SENP2: variants seen among roughly 807,000 people sequenced by gnomAD.
SENP2 encodes SUMO specific peptidase 2.
In SENP2, 16 loss-of-function variants were observed where a neutral mutation model predicts 86.3. That is an observed-to-expected ratio of 0.19 (90% CI 0.13 to 0.28). The LOEUF is 0.28. Among genes scored for constraint, SENP2 ranks in the 10% least tolerant of loss-of-function variants. SENP2 has a pLI of 1.00. For synonymous variants in SENP2, 222 were observed against 238.7 expected (o/e 0.93, Z 0.64); for missense variants, 552 against 703.0 (o/e 0.79, Z 2.43).
intron 11 of SENP2, among the ~76,000 whole-genome samples, chr3:185,616,572 G>A (rs935323445): frequency 6.6e-6 from 1 of 151,568 alleles, no homozygotes. Flanking sequence ...TCAGGAGATC[G>A]AGACCATCCT....
At position 185,629,032 on chromosome 3, in the gene SENP2, T is replaced by A. The variant is rs1186613699; in HGVS notation, c.1708-750T>A. ...GATTTTAAAGGGAGAAGTTGCTGTT[T>A]GAACAGAATTGGCAATGTACAACGC... On this transcript the variant is annotated intron_variant, in intron 16 of 16. Coordinates refer to ENST00000296257, the MANE Select transcript of SENP2 (RefSeq NM_021627.3). Among the ~76,000 whole-genome samples, 4 of 152,342 alleles carry A rather than the reference T, an allele frequency of 2.6e-5. No individual in the cohort carries two copies. In the East Asian group the frequency reaches 7.7e-4, roughly 29 times the overall value.
chr3:185,612,368 G>T, intron 8 of SENP2: 1 of 402,778 alleles, frequency 2.5e-6, no homozygotes, highest in Non-Finnish European at 4.5e-6. Context: ...CTAAATGACA[G>T]CTTACCAGAT....
intron 1 of SENP2, among the ~76,000 whole-genome samples, chr3:185,589,089 A>G (rs1219503100): frequency 6.6e-6 from 1 of 150,428 alleles, no homozygotes. Flanking sequence ...TTTTTTTTGC[A>G]TGTGTGAATA....
At position 185,611,695 on chromosome 3, in the gene SENP2, G is replaced by A. The variant is rs1722706619; in HGVS notation, c.767G>A (p.Gly256Glu). ...QMDTLKTKGW[G>E]EEQNHGVKTT... ...GACACATTAAAGACCAAAGGCTGGG[G>A]GGAAGAGCAAAATCACGGAGTCAAA... is the stretch of plus-strand genomic sequence containing the variant. The change falls in exon 8 of 17, where the codon GGG becomes GAG. Residue 256 changes from glycine (G) to glutamate (E), a missense_variant. Physicochemically the swap from Gly to Glu is moderately conservative, Grantham distance 98 (BLOSUM62 -2). Transcript: ENST00000296257. 6.2e-7 allele frequency: 1 copy of A among 1,613,678 alleles called. No individual in the cohort carries two copies. Among genetic ancestry groups the A allele is most frequent in the African/African-American group, 1.3e-5 (1 of 75,022 alleles).
At chr3:185,590,198 A>T in intron 2 of SENP2, 29 bp downstream of exon 2, 1 of 1,300,546 alleles carries the variant, frequency 7.7e-7, no homozygotes, top group Non-Finnish European at 1.1e-6. Flanking sequence ...AAAAATTTTT[A>T]GTTTTTAAAT....
At chr3:185,623,497 T>C (rs1201199278) in intron 14 of SENP2, among the ~76,000 whole-genome samples, 1 of 152,162 alleles carries the variant, frequency 6.6e-6, no homozygotes, top group Non-Finnish European at 1.5e-5. Flanking sequence ...CAACCTGATA[T>C]ATATTTCAAC....
chr3:185,620,792 A>G (rs971605689), intron 13 of SENP2, among the ~76,000 whole-genome samples: 11 of 151,744 alleles, frequency 7.2e-5, no homozygotes, highest in Admixed American at 5.9e-4. Flanking sequence ...CATAAGGGTT[A>G]TTTATATTTA....
At chr3:185,608,655 T>C (rs1003709836) in intron 6 of SENP2, among the ~76,000 whole-genome samples, 4 of 152,114 alleles carry the variant, frequency 2.6e-5, no homozygotes, top group Admixed American at 2.0e-4. Context: ...GGAAGGAATG[T>C]AGTGCAAGAA....
At chr3:185,599,395 C>T (rs916121024) in intron 4 of SENP2, among the ~76,000 whole-genome samples, 1 of 152,088 alleles carries the variant, frequency 6.6e-6, no homozygotes, top group Non-Finnish European at 1.5e-5. Flanking sequence ...AGTTCATCAT[C>T]TAGTTGGGGA....
chr3:185,630,156 C>G lies in SENP2; in HGVS notation c.*312C>G, dbSNP rs573156561. ...GAATGTGGGAAATGCAGGATTTATT[C>G]TGTGAATTGTTTGTTTCTGTGTGTT... On this transcript the variant is annotated 3_prime_UTR_variant, in exon 17 of 17. Transcript: ENST00000296257. 3.7e-6 allele frequency: 1 copy of G among 268,020 alleles called. No individual in the cohort carries two copies. The highest frequency in any genetic ancestry group is 4.5e-5 in the Admixed American group (1 of 22,208). 16.6% of individuals were successfully genotyped at this position (268,020 alleles called of 1,614,324 possible). A position where few individuals can be genotyped will look rare whatever the true frequency, so the allele number is the denominator to read the frequency against.
intron 5 of SENP2, among the ~76,000 whole-genome samples, chr3:185,603,879 T>C (rs1304947417): frequency 6.6e-6 from 1 of 152,190 alleles, no homozygotes; most frequent in Admixed American, 6.5e-5. Context: ...CCCAGCACTT[T>C]GGGAGGCTGA....
At chr3:185,606,755 G>T in intron 6 of SENP2, 1 of 515,102 alleles carries the variant, frequency 1.9e-6, no homozygotes, top group East Asian at 3.8e-5. Context: ...ACATTAGCAA[G>T]GCCTATAGCG....
chr3:185,606,303 T>C (rs1722505734), intron 5 of SENP2, 27 bp from the exon 6 acceptor site: 2 of 1,569,698 alleles, frequency 1.3e-6, no homozygotes, highest in African/African-American at 1.4e-5. Context: ...TGGTGATACT[T>C]TTTTTCTTTT....
chr3:185,621,156 CAAAAAAAAAAAAA>C (rs1206042436), intron 13 of SENP2, among the ~76,000 whole-genome samples: 2 of 39,022 alleles, frequency 5.1e-5, no homozygotes, highest in African/African-American at 2.1e-4. Flanking sequence ...GATCTTGTCT[CAAAAAAAAAAAAA>C]AAAAAAAAGA....
intron 7 of SENP2, 86 bp downstream of exon 7, chr3:185,609,436 T>C: frequency 1.1e-6 from 1 of 944,432 alleles, no homozygotes; most frequent in East Asian, 2.5e-5. Flanking sequence ...AGGGCTTTAC[T>C]GAAAGAAGAG....
At chr3:185,618,089 C>A (rs1711690751) in intron 12 of SENP2, among the ~76,000 whole-genome samples, 1 of 152,184 alleles carries the variant, frequency 6.6e-6, no homozygotes, top group Admixed American at 6.5e-5. Context: ...GGATTACAGG[C>A]ATGCGCCACC....
chr3:185,623,862 G>A, intron 14 of SENP2, 136 bp from the exon 15 acceptor site: 1 of 355,012 alleles, frequency 2.8e-6, no homozygotes, highest in Non-Finnish European at 4.9e-6. Context: ...CCAGAAAGCA[G>A]TCACGTTTTT....
chr3:185,595,831 C>T (rs1391402007), intron 2 of SENP2, among the ~76,000 whole-genome samples: 1 of 146,588 alleles, frequency 6.8e-6, no homozygotes, highest in Non-Finnish European at 1.5e-5. Flanking sequence ...GACAGGATCT[C>T]CCTCTGTCAC....
intron 10 of SENP2, 80 bp from the exon 11 acceptor site, chr3:185,614,484 T>G (rs1577735143): frequency 1.4e-4 from 187 of 1,313,084 alleles, no homozygotes; most frequent in African/African-American, 2.9e-5. Context: ...TTAGTGGCAG[T>G]TTTATATTTC....
Sources: gnomAD v4.1 joint callset for allele counts (sites outside exome capture counted in the v4.1 genomes callset) on GRCh38, gnomAD v4.1.1 for gene constraint, MANE v1.5 for transcripts, NCBI Gene and HGNC (gene_info 2026-07-23, HGNC 2026-07-21) for gene names.